Variants in GPC6 observed in about 807,000 individuals in gnomAD.
GPC6 encodes the protein glypican-6.
GPC6 carries 14 observed loss-of-function variants against 55.2 expected under a neutral mutation model. That is an observed-to-expected ratio of 0.25 (90% CI 0.17 to 0.40). The LOEUF (loss-of-function observed/expected upper bound fraction) is 0.40, where lower values mean the gene tolerates loss of function less well. GPC6 is among the 10% of genes least tolerant of loss of function. The probability of loss-of-function intolerance (pLI) is 1.00; values close to 1 mark genes in which losing one functional copy is unlikely to be tolerated. For synonymous variants in GPC6, 278 were observed against 259.6 expected, an observed-to-expected ratio of 1.07 and a Z score of -0.68; for missense variants, 641 against 708.5, an observed-to-expected ratio of 0.90 and a Z score of 1.08.
intron 2 of GPC6, among the ~76,000 whole-genome samples, chr13:93,787,116 A>G (rs1885838647): frequency 6.6e-6 from 1 of 152,204 alleles, no homozygotes; most frequent in African/African-American, 2.4e-5. Context: ...CAGTTCCACT[A>G]TCTCGGAAAT....
Position 93,227,061 on chromosome 13 carries a change from T to G in GPC6, c.-396T>G. The G allele has an allele frequency of 1.2e-5, 2 of 164,428 alleles. No individual in the cohort carries two copies. The highest frequency in any genetic ancestry group is 1.9e-4 in the South Asian group (1 of 5,372). 10.2% of individuals were successfully genotyped at this position (164,428 alleles called of 1,614,324 possible). A position where few individuals can be genotyped will look rare whatever the true frequency, so the allele number is the denominator to read the frequency against. ...GGGGAGCCGGCGCGCGCTCCCACCT[T>G]TGCCGCACACTCCGGCGAGCCGAGC... On this transcript the variant is annotated 5_prime_UTR_variant, in exon 1 of 9. Coordinates refer to ENST00000377047, the MANE Select transcript of GPC6 (RefSeq NM_005708.5). This position sits in a 1 kb window ranked among gnomAD's most constrained non-coding sequence, Gnocchi z 4.3.
At position 93,236,903 on chromosome 13, in the gene GPC6, A is replaced by T. The variant is rs115897803; in HGVS notation, c.160+9287A>T. On this transcript the variant is annotated intron_variant, in intron 1 of 8. Coordinates refer to ENST00000377047, the MANE Select transcript of GPC6 (RefSeq NM_005708.5). ...AAGTTACTGCAAAAGACATGATTTC[A>T]TTTTTTTAGGGCTGAGTAGTATTCC... Among the ~76,000 whole-genome samples the T allele has an allele frequency of 8.0e-3, 1,210 of 152,196 alleles. 13 individuals are homozygous for T. Among genetic ancestry groups the T allele is most frequent in the African/African-American group, 0.026 (1,077 of 41,528 alleles).
At chr13:93,650,459 C>A (rs1324668387) in intron 2 of GPC6, among the ~76,000 whole-genome samples, 2 of 149,708 alleles carry the variant, frequency 1.3e-5, no homozygotes, top group African/African-American at 4.9e-5. Flanking sequence ...TAATCATGCT[C>A]CCCAAAGGAA....
intron 1 of GPC6, among the ~76,000 whole-genome samples, chr13:93,541,847 G>A (rs1209131454): frequency 6.6e-6 from 1 of 150,464 alleles, no homozygotes; most frequent in Admixed American, 6.7e-5. Flanking sequence ...GTCTGTTCAT[G>A]TCCTTTGCCC....
chr13:93,609,418 A>G (rs1878373213), intron 2 of GPC6, among the ~76,000 whole-genome samples: 1 of 152,128 alleles, frequency 6.6e-6, no homozygotes, highest in Non-Finnish European at 1.5e-5. Context: ...TTGTATTTTT[A>G]GTAGAGACGA....
rs536621141 is a variant in GPC6, at chr13:93,483,464, C to G, written c.161-61799C>G. 5.3e-5 allele frequency among the ~76,000 whole-genome samples: 8 copies of G among 151,914 alleles called. 1 individual carries two copies. The South Asian group carries it at 1.7e-3, about 32-fold the overall frequency. On this transcript the variant is annotated intron_variant, in intron 1 of 8. Coordinates refer to ENST00000377047, the MANE Select transcript of GPC6 (RefSeq NM_005708.5). ...ATATAGAAATTAGAATGTTAATTTTCTAGTTTTTACCAATATCTGATTATT... is the reference window on the plus strand; with the variant it reads ...ATATAGAAATTAGAATGTTAATTTTGTAGTTTTTACCAATATCTGATTATT...
rs146601294 is a variant in GPC6, at chr13:93,997,581, A to ATGTGTGTGTGTGTGTGTGTGTGTG, written c.712-30145_712-30122dup. ...TCACATCAGCATAAAAAGACATAAT[A>ATGTGTGTGTGTGTGTGTGTGTGTG]TGTGTGTGTGTGTGTGTGTGTGTGT... is the stretch of plus-strand genomic sequence containing the variant. On this transcript the variant is annotated intron_variant, in intron 3 of 8. Transcript: ENST00000377047. Among the ~76,000 whole-genome samples, 5 of 148,812 alleles carry ATGTGTGTGTGTGTGTGTGTGTGTG rather than the reference A, an allele frequency of 3.4e-5. 1 individual carries two copies. In the East Asian group the frequency reaches 9.9e-4, roughly 30 times the overall value.
chr13:93,624,114 C>CTT lies in GPC6; in HGVS notation c.319+78708_319+78709dup, dbSNP rs34693901. Among the ~76,000 whole-genome samples the CTT allele has an allele frequency of 6.5e-3, 917 of 141,922 alleles. 12 individuals are homozygous for CTT. The highest frequency in any genetic ancestry group is 0.02 in the African/African-American group (777 of 38,390). 93.1% of individuals were successfully genotyped at this position (141,922 alleles called of 152,430 possible). ...AGTACTGGAGTAAAACAAATTTCAA[C>CTT]TTTTTTTTTTTTTTTTCCTCTTCAC... On this transcript the variant is annotated intron_variant, in intron 2 of 8. Transcript: ENST00000377047.
intron 3 of GPC6, among the ~76,000 whole-genome samples, chr13:93,904,071 C>G (rs181661650): frequency 6.6e-6 from 1 of 151,936 alleles, no homozygotes; most frequent in Non-Finnish European, 1.5e-5. Context: ...AACAGGCTGC[C>G]CAAACAGCTG....
At chr13:93,626,165 C>T (rs923132712) in intron 2 of GPC6, among the ~76,000 whole-genome samples, 3 of 152,176 alleles carry the variant, frequency 2.0e-5, no homozygotes, top group African/African-American at 7.2e-5. Flanking sequence ...ACACAAAATA[C>T]ACACACGTGC....
intron 2 of GPC6, among the ~76,000 whole-genome samples, chr13:93,824,630 T>A (rs1416269968): frequency 1.3e-5 from 2 of 152,006 alleles, no homozygotes; most frequent in Non-Finnish European, 2.9e-5. Context: ...TATGCGTAGG[T>A]ACACATGAAC....
intron 1 of GPC6, among the ~76,000 whole-genome samples, chr13:93,476,260 A>C (rs947781116): frequency 2.6e-5 from 4 of 152,044 alleles, no homozygotes; most frequent in Non-Finnish European, 5.9e-5. Flanking sequence ...ATGACTTGCT[A>C]TTCCTATTTG....
chr13:93,279,984 T>C (rs1877893952), intron 1 of GPC6, among the ~76,000 whole-genome samples: 1 of 152,184 alleles, frequency 6.6e-6, no homozygotes, highest in South Asian at 2.1e-4. Flanking sequence ...GGGAAATGCC[T>C]AGCCTGACGA....
intron 1 of GPC6, among the ~76,000 whole-genome samples, chr13:93,363,117 G>GTTTTTTTTTTTTTTTTTTTTTTTTTTTTT (rs199840187): frequency 1.6e-5 from 2 of 126,010 alleles, no homozygotes; most frequent in East Asian, 2.3e-4. Flanking sequence ...CTTTTTTTTT[G>GTTTTTTTTTTTTTTTTTTTTTTTTTTTTT]TTTTTTTTTT....
intron 2 of GPC6, among the ~76,000 whole-genome samples, chr13:93,771,794 C>T (rs1300297596): frequency 6.6e-6 from 1 of 151,364 alleles, no homozygotes; most frequent in African/African-American, 2.4e-5. Flanking sequence ...AAAGAGAAAC[C>T]ATCATAATAT....
At chr13:93,500,676 A>G (rs1046840036) in intron 1 of GPC6, among the ~76,000 whole-genome samples, 4 of 152,226 alleles carry the variant, frequency 2.6e-5, no homozygotes, top group African/African-American at 4.8e-5. Flanking sequence ...AGCTCTGTTT[A>G]AATATCAGTT....
chr13:94,061,040 A>G (rs1489011580), intron 4 of GPC6, among the ~76,000 whole-genome samples: 4 of 152,204 alleles, frequency 2.6e-5, no homozygotes, highest in Non-Finnish European at 4.4e-5. Context: ...CAGCATTATT[A>G]TCTTTTTATT....
chr13:93,833,799 A>G (rs944404228), intron 3 of GPC6, among the ~76,000 whole-genome samples: 1 of 152,060 alleles, frequency 6.6e-6, no homozygotes, highest in Non-Finnish European at 1.5e-5. Flanking sequence ...TATTTTTAAA[A>G]CTTCTGCTTG....
At chr13:93,385,149 G>T (rs550465392) in intron 1 of GPC6, among the ~76,000 whole-genome samples, 1 of 152,222 alleles carries the variant, frequency 6.6e-6, no homozygotes, top group Non-Finnish European at 1.5e-5. Context: ...CATGAAGAGG[G>T]AATTGGAAGA....
Sources: allele counts gnomAD v4.1 joint callset (sites outside exome capture counted in the v4.1 genomes callset), GRCh38; gene constraint gnomAD v4.1.1; non-coding constraint Gnocchi (gnomAD v3.1); transcripts MANE v1.5; gene names NCBI Gene and HGNC (gene_info 2026-07-23, HGNC 2026-07-21).